Variants in ADGRG5 observed in about 807,000 individuals in gnomAD.
ADGRG5 encodes adhesion G protein-coupled receptor G5.
Under a neutral mutation model 53.2 loss-of-function variants are expected in ADGRG5, and 37 were observed. The ratio of observed to expected loss-of-function variants is 0.70; its 90% CI spans 0.53 to 0.91. The LOEUF (loss-of-function observed/expected upper bound fraction) is 0.91. ADGRG5 is among the 40% of genes least tolerant of loss of function. The probability of loss-of-function intolerance (pLI) is 0.00; values close to 1 mark genes in which losing one functional copy is unlikely to be tolerated. For synonymous variants in ADGRG5, 277 were observed against 290.4 expected (o/e 0.95, Z 0.47); for missense variants, 614 against 675.8 (o/e 0.91, Z 1.01).
the ADGRG5 span, among the ~76,000 whole-genome samples, chr16:57,530,737 G>A: frequency 6.6e-6 from 1 of 151,952 alleles, no homozygotes; most frequent in African/African-American, 2.4e-5. Flanking sequence ...TCCTTTCCAG[G>A]GGTCTTACCC....
At chr16:57,542,041 CTT>C (rs1384276276), upstream of ADGRG5, among the ~76,000 whole-genome samples, 2 of 152,246 alleles carry the variant, frequency 1.3e-5, no homozygotes, top group Admixed American at 6.5e-5. Context: ...CTTCCAGTGA[CTT>C]TGCCAGCCTT....
At chr16:57,568,775 T>TCACCTCCATCACTACCTCCTC (rs2033229655) in intron 9 of ADGRG5, among the ~76,000 whole-genome samples, 1 of 111,834 alleles carries the variant, frequency 8.9e-6, no homozygotes, top group Non-Finnish European at 1.8e-5. Context: ...TCCACCTCTG[T>TCACCTCCATCACTACCTCCTC]CACCTCCATC....
At chr16:57,551,841 A>G (rs944752515) in intron 1 of ADGRG5, among the ~76,000 whole-genome samples, 2 of 150,770 alleles carry the variant, frequency 1.3e-5, no homozygotes, top group Admixed American at 6.6e-5. Context: ...TATGACAGCT[A>G]TAGCCTTATG....
At chr16:57,537,140 T>C in the ADGRG5 span, among the ~76,000 whole-genome samples, 1 of 152,170 alleles carries the variant, frequency 6.6e-6, no homozygotes, top group African/African-American at 2.4e-5. Context: ...TTTCTCTGCA[T>C]TGCGATGGTG....
chr16:57,566,605 T>C lies in ADGRG5; in HGVS notation c.553T>C (p.Tyr185His). The C allele has an allele frequency of 6.6e-7, 1 of 1,524,634 alleles. No homozygotes were observed. The highest frequency in any genetic ancestry group is 8.8e-7 in the Non-Finnish European group (1 of 1,137,536). The allele number at this position is 1,524,634 out of a possible 1,614,324, so 94.4% of individuals were successfully genotyped here. Residue 185 changes from tyrosine to histidine, a missense_variant, in exon 7 of 12, where the codon TAC becomes CAC. Transcript: ENST00000349457. ...ACCCAGCATCTCCACCCAGGAAGGC[T>C]ACACCCTGACCTGTGTCTTCTGGAA... Reference protein sequence around the residue: ...SFWHNQSLEGYTLTCVFWKEG... With the variant: ...SFWHNQSLEGHTLTCVFWKEG...
At chr16:57,548,171 C>T (rs1039693965) in intron 1 of ADGRG5, among the ~76,000 whole-genome samples, 6 of 138,768 alleles carry the variant, frequency 4.3e-5, no homozygotes, top group African/African-American at 1.7e-4. Flanking sequence ...CCTGGCTATA[C>T]ACATCTTTTT....
intron 1 of ADGRG5, among the ~76,000 whole-genome samples, chr16:57,557,283 G>C (rs2146781764): frequency 6.6e-6 from 1 of 152,270 alleles, no homozygotes; most frequent in African/African-American, 2.4e-5. Flanking sequence ...GAAAGATATG[G>C]CTGCATTATC....
At chr16:57,550,090 C>T (rs2032711955) in intron 1 of ADGRG5, among the ~76,000 whole-genome samples, 1 of 152,170 alleles carries the variant, frequency 6.6e-6, no homozygotes, top group Non-Finnish European at 1.5e-5. Flanking sequence ...AATTCTCCTG[C>T]CTTAGACTCT....
chr16:57,555,650 A>T (rs1410669315), intron 1 of ADGRG5, among the ~76,000 whole-genome samples: 1 of 152,346 alleles, frequency 6.6e-6, no homozygotes, highest in African/African-American at 2.4e-5. Context: ...GTGCACACAC[A>T]TTAAAGATTG....
rs775003623 is a variant in ADGRG5 at position 57,563,266 on chromosome 16, G to T, written c.297+19G>T. ...GCCCCAGGTCAGAGGCTGCGGGTTG[G>T]GGGGTGTGGCCAGCTGCCCCGCCCT... On this transcript the variant is annotated intron_variant, in intron 4 of 11. Transcript: ENST00000349457. 62 of 1,611,362 alleles carry T rather than the reference G, an allele frequency of 3.8e-5. No individual in the cohort carries two copies. The highest frequency in any genetic ancestry group is 5.0e-5 in the Non-Finnish European group (59 of 1,179,034).
intron 1 of ADGRG5, among the ~76,000 whole-genome samples, chr16:57,560,012 G>A (rs79710803): frequency 0.016 from 2,373 of 151,828 alleles, 56 homozygotes; most frequent in African/African-American, 0.054. Flanking sequence ...TATAAACTTC[G>A]GTAAGACATC....
At chr16:57,547,406 G>T (rs1254322027) in intron 1 of ADGRG5, among the ~76,000 whole-genome samples, 1 of 152,132 alleles carries the variant, frequency 6.6e-6, no homozygotes, top group Non-Finnish European at 1.5e-5. Flanking sequence ...TCAGTGATAT[G>T]CTGTGCTCTT....
chr16:57,567,488 G>A lies in ADGRG5; in HGVS notation c.718G>A (p.Val240Ile). ...CCTGCAGCAACTCTCCCCAGCCCTGGTCCCTGCAGAGTTGCTGGCACCTCT... is the reference window on the plus strand; with the variant it reads ...CCTGCAGCAACTCTCCCCAGCCCTGATCCCTGCAGAGTTGCTGGCACCTCT... The part of the protein sequence containing the change: ...AVLMQLSPAL[V>I]PAELLAPLTY... Residue 240 changes from valine (V) to isoleucine (I), a missense_variant, in exon 8 of 12, where the codon GTC (valine) becomes ATC (isoleucine). By Grantham distance (29) the Val-to-Ile change is conservative. Coordinates refer to ENST00000349457, the MANE Select transcript of ADGRG5 (RefSeq NM_001304376.3). 9 of 1,609,766 alleles carry A rather than the reference G, an allele frequency of 5.6e-6. No homozygotes were observed. Among genetic ancestry groups the A allele is most frequent in the Non-Finnish European group, 7.6e-6 (9 of 1,179,898 alleles).
intron 4 of ADGRG5, 120 bp from the exon 5 acceptor site, chr16:57,563,728 A>C: frequency 7.9e-7 from 1 of 1,266,412 alleles, no homozygotes; most frequent in Non-Finnish European, 1.1e-6. Context: ...GCCTGGGGGG[A>C]GAAGGTTCTG....
rs367781870 is a variant in ADGRG5 at position 57,556,141 on chromosome 16, A to G, written c.-38-5915A>G. Among the ~76,000 whole-genome samples, 15 of 152,218 alleles carry G rather than the reference A, an allele frequency of 9.9e-5. No individual in the cohort carries two copies. In the East Asian group the frequency reaches 2.7e-3, roughly 27 times the overall value. ...TATAGCAGTGTGAAACTATACTAAT[A>G]CACTTATGATTGGTATATCTTTTTT... On this transcript the variant is annotated intron_variant, in intron 1 of 11. Coordinates refer to ENST00000349457, the MANE Select transcript of ADGRG5 (RefSeq NM_001304376.3).
chr16:57,565,703 GTGGATTGGCCAGGCC>G (rs2033114816), intron 6 of ADGRG5: 2 of 154,982 alleles, frequency 1.3e-5, no homozygotes, highest in Non-Finnish European at 2.9e-5. Flanking sequence ...GATGGAATGT[GTGGATTGGCCAGGCC>G]TGGGTCACAC....
chr16:57,533,862 A>G, the ADGRG5 span, among the ~76,000 whole-genome samples: 1 of 152,042 alleles, frequency 6.6e-6, no homozygotes, highest in African/African-American at 2.4e-5. Context: ...CGCCCCTTCC[A>G]CCAGGCTCAA....
chr16:57,566,570 C>T (rs372137179), intron 6 of ADGRG5, 29 bp from the exon 7 acceptor site: 4 of 1,469,028 alleles, frequency 2.7e-6, no homozygotes, highest in East Asian at 5.2e-5. Context: ...TCCTCTGCAC[C>T]CTATGACTGA....
intron 1 of ADGRG5, among the ~76,000 whole-genome samples, chr16:57,546,489 G>A (rs4783996): frequency 0.53 from 80,999 of 152,036 alleles, 23,230 homozygotes; most frequent in African/African-American, 0.74. Flanking sequence ...TTTACATAAT[G>A]GGAAAATCAG....
Sources: gnomAD v4.1 joint callset for allele counts (sites outside exome capture counted in the v4.1 genomes callset) on GRCh38, gnomAD v4.1.1 for gene constraint, MANE v1.5 for transcripts, NCBI Gene and HGNC (gene_info 2026-07-23, HGNC 2026-07-21) for gene names.